EPHA5: variants seen among roughly 807,000 people sequenced by gnomAD.
The protein encoded by EPHA5 is ephrin type-A receptor 5.
Under a neutral mutation model 105.0 loss-of-function variants are expected in EPHA5, and 60 were observed. That is an observed-to-expected ratio of 0.57 (90% CI 0.46 to 0.71). The LOEUF (loss-of-function observed/expected upper bound fraction) is 0.71. EPHA5 is among the 30% of genes least tolerant of loss of function. The pLI, the probability that EPHA5 is intolerant of heterozygous loss-of-function variation, is 0.00. For synonymous variants in EPHA5, 513 were observed against 449.1 expected (o/e 1.14, Z -1.80); for missense variants, 1,218 against 1,274.7 (o/e 0.96, Z 0.68).
At chr4:65,654,146 A>C (rs1293279204) in intron 1 of EPHA5, among the ~76,000 whole-genome samples, 2 of 152,040 alleles carry the variant, frequency 1.3e-5, no homozygotes, top group Non-Finnish European at 2.9e-5. Context: ...TTGCAACCAT[A>C]ACACCATGAA....
rs1238493512 is a variant in EPHA5 at position 65,331,995 on chromosome 4, C to G, written c.2923G>C (p.Ala975Pro). Residue 975 changes from alanine (A) to proline (P), a missense_variant, in exon 16 of 17, where the codon GCT becomes CCT. By Grantham distance (27) the Ala-to-Pro change is conservative. Around this residue, in one of 3 missense-constraint regions of EPHA5, gnomAD observed 971 missense variants for 1,013.5 expected, o/e 0.96. Coordinates refer to ENST00000613740, the MANE Select transcript of EPHA5 (RefSeq NM_001281766.3). ...CACTCCAAGGTCACCTGAGCCACAGCGTCCATTGAACTGTATCCATTTTCC... is the reference window on the plus strand; with the variant it reads ...CACTCCAAGGTCACCTGAGCCACAGGGTCCATTGAACTGTATCCATTTTCC... ...FMENGYSSMD[A>P]VAQVTLEDLR... 1 of 1,608,292 alleles carries G rather than the reference C, an allele frequency of 6.2e-7. No homozygotes were observed. The highest frequency in any genetic ancestry group is 8.5e-7 in the Non-Finnish European group (1 of 1,177,456).
chr4:65,453,153 A>C (rs1206371023), intron 5 of EPHA5, among the ~76,000 whole-genome samples: 1 of 152,188 alleles, frequency 6.6e-6, no homozygotes, highest in Non-Finnish European at 1.5e-5. Flanking sequence ...AGCACACATA[A>C]AAAGTTATAC....
intron 3 of EPHA5, among the ~76,000 whole-genome samples, chr4:65,597,479 G>A (rs1743302252): frequency 1.5e-5 from 2 of 129,276 alleles, no homozygotes; most frequent in Admixed American, 1.5e-4. Flanking sequence ...AGTCTCACAT[G>A]AGTCTTAAGG....
intron 3 of EPHA5, among the ~76,000 whole-genome samples, chr4:65,521,252 T>G (rs1275774382): frequency 6.6e-6 from 1 of 152,090 alleles, no homozygotes; most frequent in East Asian, 1.9e-4. Flanking sequence ...GAAACCATCA[T>G]TCTCAGCAAA....
At chr4:65,583,233 A>G (rs1244869156) in intron 3 of EPHA5, among the ~76,000 whole-genome samples, 1 of 151,670 alleles carries the variant, frequency 6.6e-6, no homozygotes. Context: ...TATAAAATCA[A>G]CATTTAATGA....
At chr4:65,668,915 A>C (rs2149568140) in intron 1 of EPHA5, among the ~76,000 whole-genome samples, 1 of 150,780 alleles carries the variant, frequency 6.6e-6, no homozygotes, top group African/African-American at 2.4e-5. Context: ...GTGACAATGA[A>C]CTCCCCCAAG....
At chr4:65,428,636 A>G (rs1269733447) in intron 5 of EPHA5, among the ~76,000 whole-genome samples, 1 of 152,110 alleles carries the variant, frequency 6.6e-6, no homozygotes, top group Non-Finnish European at 1.5e-5. Flanking sequence ...CTGTTTTAAT[A>G]AAAAGAATTT....
chr4:65,607,698 G>T (rs1373234861), intron 2 of EPHA5, among the ~76,000 whole-genome samples: 1 of 152,134 alleles, frequency 6.6e-6, no homozygotes, highest in Non-Finnish European at 1.5e-5. Context: ...GCTGGAGAGG[G>T]TGTGGAGAAA....
intron 5 of EPHA5, among the ~76,000 whole-genome samples, chr4:65,453,739 G>T (rs2149112496): frequency 1.3e-5 from 2 of 152,298 alleles, no homozygotes; most frequent in South Asian, 4.1e-4. Flanking sequence ...AGAATCAGGG[G>T]AGAAGGGATG....
chr4:65,576,336 G>T (rs1741050864), intron 3 of EPHA5, among the ~76,000 whole-genome samples: 1 of 152,140 alleles, frequency 6.6e-6, no homozygotes, highest in South Asian at 2.1e-4. Context: ...CTCAAGTTAT[G>T]CAGTAGGTGG....
intron 14 of EPHA5, among the ~76,000 whole-genome samples, chr4:65,344,902 G>A (rs1197245607): frequency 6.6e-6 from 1 of 152,116 alleles, no homozygotes; most frequent in Non-Finnish European, 1.5e-5. Flanking sequence ...AAATGAAAGA[G>A]AGGTAGGAGA....
At position 65,336,128 on chromosome 4, in the gene EPHA5, G is replaced by A. The variant is rs1250702921; in HGVS notation, c.2596-3C>T. On this transcript the variant is annotated splice_region_variant and splice_polypyrimidine_tract_variant and intron_variant, in intron 14 of 16. Transcript: ENST00000613740. ...CCTTCCTCTACCGCTTTAATCACCT[G>A]TATAAAGCAAAACAGAACCAGCACC... The A allele has an allele frequency of 1.3e-6, 2 of 1,594,480 alleles. No individual in the cohort carries two copies. Among genetic ancestry groups the A allele is most frequent in the Non-Finnish European group, 1.7e-6 (2 of 1,170,102 alleles).
chr4:65,544,755 C>A (rs537416997), intron 3 of EPHA5, among the ~76,000 whole-genome samples: 1 of 151,854 alleles, frequency 6.6e-6, no homozygotes, highest in Non-Finnish European at 1.5e-5. Flanking sequence ...TATCATTCTA[C>A]TATAAAGACA....
At chr4:65,412,860 C>T (rs930828793) in intron 7 of EPHA5, among the ~76,000 whole-genome samples, 7 of 151,964 alleles carry the variant, frequency 4.6e-5, no homozygotes, top group Admixed American at 1.3e-4. Context: ...CTGAATGTGC[C>T]AACATCCTAA....
intron 1 of EPHA5, among the ~76,000 whole-genome samples, chr4:65,647,032 TA>T (rs1560817666): frequency 6.6e-6 from 1 of 151,948 alleles, no homozygotes; most frequent in Non-Finnish European, 1.5e-5. Flanking sequence ...GATAGCTATA[TA>T]AAAAACAGAA....
At position 65,476,127 on chromosome 4, in the gene EPHA5, A is replaced by AGAGAGTGT. The variant is rs1425495059; in HGVS notation, c.1402+14249_1402+14250insACACTCTC. 6.6e-3 allele frequency among the ~76,000 whole-genome samples: 789 copies of AGAGAGTGT among 119,190 alleles called. 2 individuals carry two copies. The highest frequency in any genetic ancestry group is 0.013 in the Middle Eastern group (3 of 230). 78.2% of individuals were successfully genotyped at this position (119,190 alleles called of 152,430 possible). A position where few individuals can be genotyped will look rare whatever the true frequency, so the allele number is the denominator to read the frequency against. Reference sequence around the variant, plus strand: ...GAGAGAGAGAGAGAGAGAGAGAGAGAGTGTGTGTGTGTGTGTGTGTGTGTG... The same window carrying AGAGAGTGT: ...GAGAGAGAGAGAGAGAGAGAGAGAGAGAGAGTGTGTGTGTGTGTGTGTGTGTGTGTGTG... On this transcript the variant is annotated intron_variant, in intron 5 of 16. Coordinates refer to ENST00000613740, the MANE Select transcript of EPHA5 (RefSeq NM_001281766.3).
intron 1 of EPHA5, among the ~76,000 whole-genome samples, chr4:65,658,533 C>T (rs558471586): frequency 6.6e-6 from 1 of 152,124 alleles, no homozygotes; most frequent in African/African-American, 2.4e-5. Flanking sequence ...TGTCAGAGTG[C>T]CAACCCACAC....
chr4:65,648,082 T>A (rs1367327000), intron 1 of EPHA5, among the ~76,000 whole-genome samples: 3 of 152,140 alleles, frequency 2.0e-5, no homozygotes, highest in Non-Finnish European at 2.9e-5. Flanking sequence ...AAATTCACTT[T>A]CAGAAAAAGC....
intron 5 of EPHA5, among the ~76,000 whole-genome samples, chr4:65,471,231 A>G (rs1729255977): frequency 6.6e-6 from 1 of 152,354 alleles, no homozygotes; most frequent in Middle Eastern, 3.4e-3. Context: ...AGAAAAACAG[A>G]CATAAATCTC....
Sources: gnomAD v4.1 joint callset for allele counts (sites outside exome capture counted in the v4.1 genomes callset) on GRCh38, gnomAD v4.1.1 for gene constraint, gnomAD v4.1.1 regional missense constraint, MANE v1.5 for transcripts, NCBI Gene and HGNC (gene_info 2026-07-23, HGNC 2026-07-21) for gene names.